Variants in PAPPA observed in about 807,000 individuals in gnomAD.
PAPPA encodes the protein pappalysin-1.
A neutral mutation model predicts 164.0 loss-of-function variants in PAPPA; 60 were observed. The observed-to-expected ratio is 0.37, with a 90% CI of 0.30 to 0.45. The LOEUF (loss-of-function observed/expected upper bound fraction) is 0.45. PAPPA is among the 20% of genes least tolerant of loss of function. The probability of loss-of-function intolerance (pLI) is 1.00; values close to 1 mark genes in which losing one functional copy is unlikely to be tolerated. For missense variants in PAPPA, 1,782 were observed against 2,087.3 expected (o/e 0.85, Z 2.85); for synonymous variants, 875 against 814.1 (o/e 1.07, Z -1.27).
chr9:116,332,545 A>C, intron 12 of PAPPA, 77 bp downstream of exon 12: 1 of 1,320,372 alleles, frequency 7.6e-7, no homozygotes, highest in Non-Finnish European at 1.1e-6. Flanking sequence ...TGTGAGGATC[A>C]GCTTAGAATG....
intron 1 of PAPPA, among the ~76,000 whole-genome samples, chr9:116,161,028 A>G (rs1843659420): frequency 6.6e-6 from 1 of 152,162 alleles, no homozygotes; most frequent in African/African-American, 2.4e-5. Flanking sequence ...GGACCAGGTG[A>G]GACAATGCCG....
intron 2 of PAPPA, among the ~76,000 whole-genome samples, chr9:116,188,889 C>G (rs981963749): frequency 1.3e-5 from 2 of 152,126 alleles, no homozygotes; most frequent in Admixed American, 6.5e-5. Flanking sequence ...TCAAGTTGCT[C>G]TGAGGATTGA....
intron 9 of PAPPA, among the ~76,000 whole-genome samples, chr9:116,300,511 T>C (rs1270443911): frequency 6.6e-6 from 1 of 152,140 alleles, no homozygotes; most frequent in Non-Finnish European, 1.5e-5. Context: ...GCTCAAGCAA[T>C]CTGCCTGCCT....
chr9:116,400,555 G>A lies in PAPPA; in HGVS notation c.*3939G>A, dbSNP rs930302595. ...TAAAATGTTTATATTTACCAGTACA[G>A]CACTGGGCTTTATAAAGACTGCACT... On this transcript the variant is annotated 3_prime_UTR_variant, in exon 22 of 22. Coordinates refer to ENST00000328252, the MANE Select transcript of PAPPA (RefSeq NM_002581.5). The A allele has an allele frequency of 1.3e-5, 2 of 152,266 alleles. No homozygotes were observed. The highest frequency in any genetic ancestry group is 4.2e-4 in the South Asian group (2 of 4,818). 9.4% of individuals were successfully genotyped at this position (152,266 alleles called of 1,614,324 possible).
chr9:116,384,802 C>A (rs769629025), intron 21 of PAPPA, among the ~76,000 whole-genome samples: 19 of 152,102 alleles, frequency 1.2e-4, no homozygotes, highest in African/African-American at 4.3e-4. Flanking sequence ...AGTCAGCCAC[C>A]TTTGAACGTG....
chr9:116,251,010 A>G (rs912296166), intron 7 of PAPPA, among the ~76,000 whole-genome samples: 2 of 152,156 alleles, frequency 1.3e-5, no homozygotes, highest in African/African-American at 4.8e-5. Flanking sequence ...GGTATAGGAA[A>G]TGAGAGAACA....
At chr9:116,213,987 ACTT>A (rs1476966144) in intron 4 of PAPPA, among the ~76,000 whole-genome samples, 4 of 152,156 alleles carry the variant, frequency 2.6e-5, no homozygotes, top group Non-Finnish European at 5.9e-5. Flanking sequence ...TGCTGGGTCA[ACTT>A]CTTCTCGTTG....
chr9:116,184,113 T>A (rs1251207218), intron 1 of PAPPA, among the ~76,000 whole-genome samples: 1 of 152,058 alleles, frequency 6.6e-6, no homozygotes, highest in Non-Finnish European at 1.5e-5. Flanking sequence ...TCATGAGGGA[T>A]AGGGTTAGCT....
chr9:116,334,824 G>A (rs752842745), intron 12 of PAPPA, 37 bp from the exon 13 acceptor site: 14 of 1,536,616 alleles, frequency 9.1e-6, no homozygotes, highest in African/African-American at 1.4e-5. Context: ...CTTGAGTAAT[G>A]AGCCTGGCCC....
At chr9:116,292,594 G>A (rs1845450542) in intron 9 of PAPPA, among the ~76,000 whole-genome samples, 1 of 152,082 alleles carries the variant, frequency 6.6e-6, no homozygotes. Context: ...GGAATGTGGG[G>A]AGAAATCAGT....
intron 7 of PAPPA, among the ~76,000 whole-genome samples, chr9:116,249,806 A>T (rs1346452807): frequency 6.6e-6 from 1 of 152,168 alleles, no homozygotes; most frequent in Admixed American, 6.5e-5. Context: ...ATAGAGGCAT[A>T]TTTGGGTTGG....
chr9:116,161,957 C>T (rs779367739), intron 1 of PAPPA, among the ~76,000 whole-genome samples: 26 of 152,112 alleles, frequency 1.7e-4, no homozygotes, highest in African/African-American at 6.0e-4. Context: ...CGGAGACCAC[C>T]GTTTAGAGAG....
intron 20 of PAPPA, 124 bp downstream of exon 20, chr9:116,377,771 C>A: frequency 1.4e-6 from 1 of 704,804 alleles, no homozygotes; most frequent in Non-Finnish European, 2.5e-6. Context: ...ATCCATTTAG[C>A]AGACTTCTTG....
At chr9:116,332,245 G>T in intron 11 of PAPPA, 88 bp from the exon 12 acceptor site, 1 of 1,187,568 alleles carries the variant, frequency 8.4e-7, no homozygotes, top group Middle Eastern at 2.9e-4. Context: ...TAAAAAGGAA[G>T]TTTCTCCTCA....
intron 9 of PAPPA, among the ~76,000 whole-genome samples, chr9:116,296,045 T>G (rs1845502239): frequency 6.6e-6 from 1 of 152,244 alleles, no homozygotes; most frequent in African/African-American, 2.4e-5. Context: ...TATCTGTTGC[T>G]CATTCATTGC....
At chr9:116,321,449 T>G (rs1028072224) in intron 10 of PAPPA, among the ~76,000 whole-genome samples, 1 of 152,196 alleles carries the variant, frequency 6.6e-6, no homozygotes, top group Non-Finnish European at 1.5e-5. Flanking sequence ...CAAATAGGAT[T>G]CATCTTCTAG....
At chr9:116,256,942 C>T (rs1844935006) in intron 7 of PAPPA, among the ~76,000 whole-genome samples, 1 of 142,366 alleles carries the variant, frequency 7.0e-6, no homozygotes, top group African/African-American at 2.5e-5. Context: ...TTTTTTTTTA[C>T]CATGTACTAG....
At chr9:116,243,828 A>G (rs1371391190) in intron 7 of PAPPA, among the ~76,000 whole-genome samples, 1 of 152,170 alleles carries the variant, frequency 6.6e-6, no homozygotes, top group African/African-American at 2.4e-5. Context: ...GCTGAAATGC[A>G]TGATTCAGGC....
rs753424382 is a variant in PAPPA at position 116,344,646 on chromosome 9, A to G, written c.3715A>G (p.Thr1239Ala). 2.1e-5 allele frequency: 34 copies of G among 1,614,204 alleles called. No individual in the cohort carries two copies. Among genetic ancestry groups the G allele is most frequent in the Non-Finnish European group, 2.8e-5 (33 of 1,180,042 alleles). The change falls in exon 14 of 22, where the codon ACT (threonine) becomes GCT (alanine). Residue 1239 changes from threonine to alanine, a missense_variant. Thr to Ala is a moderately conservative substitution (Grantham distance 58). Transcript: ENST00000328252. ...SSDRYHGAQCTVSCRTGYVLQ... is the reference protein window; with the variant it reads ...SSDRYHGAQCAVSCRTGYVLQ... ...CGACCGCTACCACGGTGCCCAGTGT[A>G]CTGTGAGCTGCCGGACAGGCTACGT...
Sources: gnomAD v4.1 joint callset for allele counts (sites outside exome capture counted in the v4.1 genomes callset) on GRCh38, gnomAD v4.1.1 for gene constraint, MANE v1.5 for transcripts, NCBI Gene and HGNC (gene_info 2026-07-23, HGNC 2026-07-21) for gene names.